Variants in PDHX observed in about 807,000 individuals in gnomAD.
PDHX encodes the protein pyruvate dehydrogenase complex component X, also known as pyruvate dehydrogenase protein X component, mitochondrial.
A neutral mutation model predicts 55.3 loss-of-function variants in PDHX; 33 were observed. The ratio of observed to expected loss-of-function variants is 0.60; its 90% CI spans 0.45 to 0.80. The LOEUF (loss-of-function observed/expected upper bound fraction) is 0.80, where lower values mean the gene tolerates loss of function less well. PDHX is among the 30% of genes least tolerant of loss of function. PDHX has a pLI of 0.00. For synonymous variants in PDHX, 226 were observed against 219.4 expected (o/e 1.03, Z -0.27); for missense variants, 622 against 619.9 (o/e 1.00, Z -0.04).
At chr11:34,949,689 G>A (rs1476469585) in intron 3 of PDHX, among the ~76,000 whole-genome samples, 2 of 152,148 alleles carry the variant, frequency 1.3e-5, no homozygotes, top group Non-Finnish European at 2.9e-5. Flanking sequence ...TGACATATTT[G>A]GAGGGTTTAT....
At chr11:34,961,044 G>T (rs1042994071) in intron 5 of PDHX, among the ~76,000 whole-genome samples, 4 of 151,946 alleles carry the variant, frequency 2.6e-5, no homozygotes, top group Non-Finnish European at 5.9e-5. Flanking sequence ...ATGTTTTATT[G>T]TATGCTTTAA....
intron 7 of PDHX, among the ~76,000 whole-genome samples, chr11:34,977,425 C>G (rs1303560858): frequency 1.3e-5 from 2 of 152,064 alleles, no homozygotes; most frequent in Non-Finnish European, 2.9e-5. Flanking sequence ...ATTATGTATA[C>G]TGGAAAGAAA....
chr11:34,966,618 T>G, intron 5 of PDHX, 22 bp from the exon 6 acceptor site: 1 of 1,612,166 alleles, frequency 6.2e-7, no homozygotes, highest in Non-Finnish European at 8.5e-7. Context: ...ATTATGGTTA[T>G]CTACTTTGCT....
chr11:34,951,683 A>G (rs558266567), intron 3 of PDHX, among the ~76,000 whole-genome samples: 5 of 152,282 alleles, frequency 3.3e-5, no homozygotes, highest in African/African-American at 1.2e-4. Context: ...TTTGCTGTGC[A>G]GAAGCTCTTT....
chr11:34,984,721 CTG>C lies in PDHX; in HGVS notation c.1177_1178del (p.Val393LysfsTer15). 6.2e-7 allele frequency: 1 copy of C among 1,613,726 alleles called. No individual in the cohort carries two copies. The highest frequency in any genetic ancestry group is 8.5e-7 in the Non-Finnish European group (1 of 1,179,668). On this transcript the variant is annotated frameshift_variant, in exon 9 of 11. Transcript: ENST00000227868. LOFTEE classifies it high-confidence loss of function. ...AAAGGTATCCAGGAAATTGCTGACT[CTG>C]TAAAGGTATGTCTTAAGAAAGAGTG...
At chr11:34,947,731 AT>A (rs1417804466) in intron 3 of PDHX, 125 bp downstream of exon 3, 5 of 695,522 alleles carry the variant, frequency 7.2e-6, no homozygotes, top group Non-Finnish European at 7.8e-6. Context: ...TACATAATAC[AT>A]TTTTAGTTCA....
chr11:34,946,345 T>A (rs1195897661), intron 2 of PDHX, among the ~76,000 whole-genome samples: 1 of 152,176 alleles, frequency 6.6e-6, no homozygotes, highest in Non-Finnish European at 1.5e-5. Flanking sequence ...TTTTTGGATG[T>A]CCTCAAGTAC....
chr11:34,922,632 C>T (rs2133938390), intron 1 of PDHX, among the ~76,000 whole-genome samples: 1 of 152,286 alleles, frequency 6.6e-6, no homozygotes, highest in Middle Eastern at 3.4e-3. Context: ...ATAGTAATAA[C>T]CGCATTGTAG....
chr11:34,979,443 A>G lies in PDHX; in HGVS notation c.1023+1261A>G, dbSNP rs376287163. On this transcript the variant is annotated intron_variant, in intron 8 of 10. Transcript: ENST00000227868. ...CATGCCTCCTTTCTGTAACGAGGCTATTTTCTGGGATCACTGCTTGTTAAC... is the reference window on the plus strand; with the variant it reads ...CATGCCTCCTTTCTGTAACGAGGCTGTTTTCTGGGATCACTGCTTGTTAAC... Among the ~76,000 whole-genome samples the G allele has an allele frequency of 4.7e-4, 71 of 152,126 alleles. 1 individual carries two copies. The highest frequency in any genetic ancestry group is 1.6e-3 in the African/African-American group (67 of 41,520).
Position 34,995,214 on chromosome 11 carries a change from G to T in PDHX, c.*42G>T. The stretch of plus-strand genomic sequence containing the variant: ...GTTGGTGTTCAGCTTAGTTGATTCA[G>T]TAGTTGTTACCAAGAAACATATGTT... On this transcript the variant is annotated 3_prime_UTR_variant, in exon 11 of 11. Transcript: ENST00000227868. 6.2e-7 allele frequency: 1 copy of T among 1,604,932 alleles called. No individual in the cohort carries two copies. The highest frequency in any genetic ancestry group is 8.5e-7 in the Non-Finnish European group (1 of 1,172,808).
intron 7 of PDHX, among the ~76,000 whole-genome samples, chr11:34,973,563 C>T (rs568932): frequency 0.8 from 122,168 of 151,974 alleles, 49,301 homozygotes; most frequent in African/African-American, 0.84. Flanking sequence ...TCTCTTCTTA[C>T]CTGCTTTGCA....
chr11:34,947,570 A>C lies in PDHX; in HGVS notation c.306A>C (p.Leu102Phe). Reference sequence around the variant, plus strand: ...AGACTGACAAAGCTGTGGTTACCTTAGATGCAAGTGATGATGGAATCTTGG... The same window carrying C: ...AGACTGACAAAGCTGTGGTTACCTTCGATGCAAGTGATGATGGAATCTTGG... ...EIETDKAVVT[L>F]DASDDGILAK... The change falls in exon 3 of 11, where the codon TTA becomes TTC. Residue 102 changes from leucine (L) to phenylalanine (F), a missense_variant. Leu to Phe is a conservative substitution (Grantham distance 22, BLOSUM62 0). Coordinates refer to ENST00000227868, the MANE Select transcript of PDHX (RefSeq NM_003477.3). 6.2e-7 allele frequency: 1 copy of C among 1,613,042 alleles called. No homozygotes were observed. The highest frequency in any genetic ancestry group is 1.1e-5 in the South Asian group (1 of 91,070).
chr11:34,952,217 G>C (rs149282461), intron 3 of PDHX, among the ~76,000 whole-genome samples: 8,050 of 152,000 alleles, frequency 0.053, 271 homozygotes, highest in Non-Finnish European at 0.075. Flanking sequence ...CAACCAAAAA[G>C]AGTCCAGGAC....
At chr11:34,925,751 C>T (rs1854003465) in intron 1 of PDHX, among the ~76,000 whole-genome samples, 1 of 152,154 alleles carries the variant, frequency 6.6e-6, no homozygotes, top group East Asian at 1.9e-4. Context: ...CAGGTTTGAG[C>T]ATCTCTAATC....
intron 8 of PDHX, among the ~76,000 whole-genome samples, chr11:34,982,023 A>G (rs1855525086): frequency 6.6e-6 from 1 of 152,082 alleles, no homozygotes; most frequent in Non-Finnish European, 1.5e-5. Flanking sequence ...CCATTTGTCA[A>G]TTTTGGCTTT....
At chr11:34,962,047 A>T (rs1453315778) in intron 5 of PDHX, among the ~76,000 whole-genome samples, 2 of 152,246 alleles carry the variant, frequency 1.3e-5, no homozygotes, top group African/African-American at 4.8e-5. Context: ...AACTATTTTT[A>T]TAACAAAGTA....
At chr11:34,978,228 TGTC>T (rs747471137) in intron 8 of PDHX, 46 bp downstream of exon 8, 41 of 1,098,020 alleles carry the variant, frequency 3.7e-5, no homozygotes, top group Non-Finnish European at 5.6e-5. Context: ...AGTAGTTTCA[TGTC>T]GTGGAATTTT....
chr11:34,931,327 AT>A, intron 1 of PDHX, 76 bp from the exon 2 acceptor site: 1 of 805,650 alleles, frequency 1.2e-6, no homozygotes, highest in Non-Finnish European at 2.2e-6. Flanking sequence ...TTTGACGTTA[AT>A]TTACTTGAAC....
chr11:34,945,364 CT>C (rs1259613848), intron 2 of PDHX, among the ~76,000 whole-genome samples: 2 of 152,116 alleles, frequency 1.3e-5, no homozygotes, highest in Admixed American at 1.3e-4. Context: ...GTTCCATCTG[CT>C]TCCACTTTTC....
Sources: gnomAD v4.1 joint callset for allele counts (sites outside exome capture counted in the v4.1 genomes callset) on GRCh38, gnomAD v4.1.1 for gene constraint, MANE v1.5 for transcripts, NCBI Gene and HGNC (gene_info 2026-07-23, HGNC 2026-07-21) for gene names.